Variants in VIRMA observed in about 807,000 individuals in gnomAD.
VIRMA encodes protein virilizer homolog.
VIRMA carries 65 observed loss-of-function variants against 182.4 expected under a neutral mutation model. The ratio of observed to expected loss-of-function variants is 0.36; its 90% CI spans 0.29 to 0.44. The LOEUF is 0.44. VIRMA is among the 20% of genes least tolerant of loss of function. The probability of loss-of-function intolerance (pLI) is 1.00; values close to 1 mark genes in which losing one functional copy is unlikely to be tolerated. For missense variants in VIRMA, 1,752 were observed against 2,158.1 expected (o/e 0.81, Z 3.73); for synonymous variants, 709 against 743.1 (o/e 0.95, Z 0.75).
chr8:94,526,748 A>G lies in VIRMA; in HGVS notation c.1496T>C (p.Leu499Pro). 6.2e-7 allele frequency: 1 copy of G among 1,614,022 alleles called. No homozygotes were observed. ...CAAAGCTTTAAAAGCATTTAACTTA[A>G]GAGAAGATGATACGTGATCAGCAAA... The part of the protein sequence containing the change: ...LLFADHVSSS[L>P]KLNAFKALDS... The change falls in exon 8 of 24, where the codon CTT (leucine) becomes CCT (proline). Residue 499 changes from leucine to proline, a missense_variant. This residue lies in a region of VIRMA where 401 missense variants were observed against 455.1 expected (regional missense o/e 0.88). Transcript: ENST00000297591.
chr8:94,501,357 T>C (rs570432390), intron 16 of VIRMA, among the ~76,000 whole-genome samples: 2 of 147,738 alleles, frequency 1.4e-5, no homozygotes, highest in East Asian at 4.0e-4. Flanking sequence ...ATGAACCATA[T>C]AACCAAACTG....
Position 94,535,025 on chromosome 8 carries a change from C to A in VIRMA, c.316-18G>T. 2.6e-6 allele frequency: 4 copies of A among 1,544,658 alleles called. No homozygotes were observed. The highest frequency in any genetic ancestry group is 4.5e-5 in the Admixed American group (2 of 44,040). On this transcript the variant is annotated intron_variant, in intron 4 of 23. Transcript: ENST00000297591. ...GTATTCACCTGATTTTCAGGGAGGG[C>A]AAAAAAAATCTTTCAAAGTCATGTT... is the stretch of plus-strand genomic sequence containing the variant.
At position 94,499,501 on chromosome 8, in the gene VIRMA, A is replaced by G; in HGVS notation, c.4103T>C (p.Leu1368Ser). ...ATGCAGAGCACTACTGTTTTTCCTT[A>G]AAGAACTGTAAATAAAGAAAATAAA... Reference protein sequence around the residue: ...DYGLFHLKSSLRKNSSALHSL... With the variant: ...DYGLFHLKSSSRKNSSALHSL... Residue 1368 changes from leucine to serine, a missense_variant, in exon 17 of 24, where the codon TTA becomes TCA. Leu to Ser is a moderately radical substitution (Grantham distance 145). This residue lies in a region of VIRMA where 777 missense variants were observed against 920.6 expected (regional missense o/e 0.84). Coordinates refer to ENST00000297591, the MANE Select transcript of VIRMA (RefSeq NM_015496.5). The G allele has an allele frequency of 6.7e-7, 1 of 1,489,940 alleles. No individual in the cohort carries two copies. The highest frequency in any genetic ancestry group is 9.3e-7 in the Non-Finnish European group (1 of 1,080,458). The allele number at this position is 1,489,940 out of a possible 1,614,324, so 92.3% of individuals were successfully genotyped here. A position where few individuals can be genotyped will look rare whatever the true frequency, so the allele number is the denominator to read the frequency against.
rs1813519656 is a variant in VIRMA, at chr8:94,488,584, G to T, written c.*122C>A. 4.5e-6 allele frequency: 4 copies of T among 897,856 alleles called. No homozygotes were observed. Among genetic ancestry groups the T allele is most frequent in the Admixed American group, 2.6e-5 (1 of 37,830 alleles). 55.6% of individuals were successfully genotyped at this position (897,856 alleles called of 1,614,324 possible). ...TATCAAACAAATTCTGCTTTCTTCA[G>T]ATAAAAATATTCTCTCAGATGTCTC... On this transcript the variant is annotated 3_prime_UTR_variant, in exon 24 of 24. Transcript: ENST00000297591.
At chr8:94,496,245 A>C in intron 18 of VIRMA, 83 bp downstream of exon 18, 1 of 1,187,182 alleles carries the variant, frequency 8.4e-7, no homozygotes, top group Non-Finnish European at 1.2e-6. Flanking sequence ...CACTATTTTA[A>C]AAAAGGTCAC....
intron 16 of VIRMA, among the ~76,000 whole-genome samples, chr8:94,500,195 C>T (rs534447326): frequency 1.3e-5 from 2 of 151,882 alleles, no homozygotes; most frequent in South Asian, 4.1e-4. Flanking sequence ...GTCAGGAGAT[C>T]AAGACCATCC....
intron 8 of VIRMA, among the ~76,000 whole-genome samples, chr8:94,525,317 G>C (rs1171444523): frequency 6.6e-6 from 1 of 152,214 alleles, no homozygotes; most frequent in Non-Finnish European, 1.5e-5. Flanking sequence ...AGCCCCAGCT[G>C]TCCACAGCAA....
chr8:94,511,062 G>A (rs1257046065), intron 13 of VIRMA, 123 bp downstream of exon 13: 17 of 1,443,258 alleles, frequency 1.2e-5, no homozygotes, highest in East Asian at 1.0e-4. Context: ...CCCCTCATCC[G>A]GTTATTTTAT....
intron 9 of VIRMA, 115 bp downstream of exon 9, chr8:94,518,870 T>C (rs556182410): frequency 5.3e-6 from 5 of 946,460 alleles, no homozygotes; most frequent in African/African-American, 1.6e-5. Context: ...TTTTGTGTTA[T>C]ATCAAAACTA....
In VIRMA at chr8:94,518,971, A is replaced by C. The variant is rs750294151; in HGVS notation, c.2513+14T>G. The C allele has an allele frequency of 2.5e-6, 4 of 1,573,748 alleles. No homozygotes were observed. In the African/African-American group the frequency reaches 5.5e-5, roughly 22 times the overall value. ...TAACATCATAGAAAATTTAAGGAGT[A>C]AGTAGGAAATTACCCCAAGGCTTCT... On this transcript the variant is annotated intron_variant, in intron 9 of 23. Transcript: ENST00000297591.
At chr8:94,514,327 GAATT>G (rs1312536883) in intron 11 of VIRMA, among the ~76,000 whole-genome samples, 1 of 152,152 alleles carries the variant, frequency 6.6e-6, no homozygotes, top group Non-Finnish European at 1.5e-5. Flanking sequence ...TTTTCATTAT[GAATT>G]ATTTAAATTG....
intron 1 of VIRMA, among the ~76,000 whole-genome samples, chr8:94,548,442 G>A (rs765051454): frequency 7.3e-5 from 11 of 150,746 alleles, no homozygotes; most frequent in Non-Finnish European, 1.5e-4. Context: ...TAATTACAGT[G>A]TAAAATACAA....
At chr8:94,540,896 G>A (rs768532586) in intron 2 of VIRMA, among the ~76,000 whole-genome samples, 6 of 152,054 alleles carry the variant, frequency 3.9e-5, no homozygotes, top group Non-Finnish European at 7.4e-5. Flanking sequence ...ACGATTTAAA[G>A]AATCAAAGGA....
Position 94,519,119 on chromosome 8 carries a change from C to T in VIRMA, c.2379G>A (p.Leu793=), listed in dbSNP as rs781041759. 5.0e-6 allele frequency: 8 copies of T among 1,613,928 alleles called. No individual in the cohort carries two copies. The highest frequency in any genetic ancestry group is 4.2e-6 in the Non-Finnish European group (5 of 1,180,000). The change falls in exon 9 of 24, where the codon TTG becomes TTA. Residue 793 remains leucine (L), a synonymous_variant. Transcript: ENST00000297591. The part of the protein sequence containing the change: ...ASEETDHSDL[L]GTLHNLYLIT... ...TCAAATAAAGATTGTGCAGGGTTCC[C>T]AAGAGATCTGAATGGTCTGTTTCTT...
chr8:94,522,709 C>G (rs1037649377), intron 8 of VIRMA, among the ~76,000 whole-genome samples: 4 of 152,114 alleles, frequency 2.6e-5, no homozygotes, highest in African/African-American at 4.8e-5. Flanking sequence ...ACTATAAGCA[C>G]AATATTTGCC....
intron 17 of VIRMA, 130 bp from the exon 18 acceptor site, chr8:94,496,610 A>C: frequency 1.5e-6 from 1 of 653,086 alleles, no homozygotes; most frequent in Non-Finnish European, 2.5e-6. Flanking sequence ...CATCAGTACA[A>C]ATGGCTAGTT....
In VIRMA at chr8:94,510,434, A is replaced by G. The variant is rs1814322776; in HGVS notation, c.3609T>C (p.Ile1203=). Residue 1203 remains isoleucine (I), a synonymous_variant, in exon 14 of 24, where the codon ATT becomes ATC. Transcript: ENST00000297591. ...LLIMRTVLDL[I]VEDLQSTSED... ...GAAAATACCTTTGCAAGTCTTCTAC[A>G]ATCAAATCCAACACAGTTCTCATAA... 6.2e-7 allele frequency: 1 copy of G among 1,613,144 alleles called. No individual in the cohort carries two copies. Among genetic ancestry groups the G allele is most frequent in the Admixed American group, 1.7e-5 (1 of 59,966 alleles).
At chr8:94,490,390 T>A (rs558957661) in intron 22 of VIRMA, among the ~76,000 whole-genome samples, 19 of 152,306 alleles carry the variant, frequency 1.2e-4, no homozygotes, top group African/African-American at 4.6e-4. Flanking sequence ...GGTTATAATA[T>A]GTAAAGTGCT....
Position 94,527,048 on chromosome 8 carries a change from T to G in VIRMA, c.1196A>C (p.Lys399Thr). 1 of 1,614,174 alleles carries G rather than the reference T, an allele frequency of 6.2e-7. No homozygotes were observed. Residue 399 changes from lysine (K) to threonine (T), a missense_variant, in exon 8 of 24, where the codon AAA becomes ACA. By Grantham distance (78) the Lys-to-Thr change is moderately conservative. Around this residue, in one of 11 missense-constraint regions of VIRMA, gnomAD observed 401 missense variants for 455.1 expected, o/e 0.88. Transcript: ENST00000297591. ...AATTTCTTCTAAAGCTGTTACCCAT[T>G]TTGCACCTCTATCTTCTCTATACAA... ...LDLYREDRGA[K>T]WVTALEEIPS...
Sources: gnomAD v4.1 joint callset for allele counts (sites outside exome capture counted in the v4.1 genomes callset) on GRCh38, gnomAD v4.1.1 for gene constraint, gnomAD v4.1.1 regional missense constraint, MANE v1.5 for transcripts, NCBI Gene and HGNC (gene_info 2026-07-23, HGNC 2026-07-21) for gene names.